FOXN2: variants seen among roughly 807,000 people sequenced by gnomAD.
The protein encoded by FOXN2 is forkhead box N2, also known as forkhead box protein N2.
A neutral mutation model predicts 41.2 loss-of-function variants in FOXN2; 19 were observed. That is an observed-to-expected ratio of 0.46 (90% CI 0.32 to 0.68). FOXN2 has a LOEUF of 0.68. FOXN2 is among the 30% of genes least tolerant of loss of function. The pLI is 0.03. For synonymous variants in FOXN2, 195 were observed against 176.8 expected, an observed-to-expected ratio of 1.10 and a Z score of -0.82; for missense variants, 587 against 509.4, an observed-to-expected ratio of 1.15 and a Z score of -1.47.
At chr2:48,371,743 G>A (rs7566239) in intron 5 of FOXN2, among the ~76,000 whole-genome samples, 51,269 of 151,916 alleles carry the variant, frequency 0.34, 8,809 homozygotes, top group East Asian at 0.46. Context: ...TGGGATGTCT[G>A]TTTGTATTGT....
intron 2 of FOXN2, among the ~76,000 whole-genome samples, chr2:48,345,415 C>T (rs912039721): frequency 3.9e-5 from 6 of 152,108 alleles, no homozygotes; most frequent in African/African-American, 1.2e-4. Flanking sequence ...GGAGTAAGTT[C>T]TAGTGACCTA....
intron 4 of FOXN2, among the ~76,000 whole-genome samples, chr2:48,360,154 C>T (rs1020183778): frequency 1.3e-5 from 2 of 151,964 alleles, no homozygotes; most frequent in Admixed American, 1.3e-4. Context: ...TAAGTTAAAT[C>T]GGAAAATAAT....
Position 48,363,130 on chromosome 2 carries a change from C to A in FOXN2, c.703+423C>A, listed in dbSNP as rs533082139. On this transcript the variant is annotated intron_variant, in intron 5 of 6. Coordinates refer to ENST00000340553, the MANE Select transcript of FOXN2 (RefSeq NM_002158.4). ...GCATTGTTACAGTAAGATGACAGCT[C>A]TCTGTGTTTATTGTCCCTAAAGACC... Among the ~76,000 whole-genome samples, 46 of 152,196 alleles carry A rather than the reference C, an allele frequency of 3.0e-4. 1 individual carries two copies. The highest frequency in any genetic ancestry group is 1.1e-3 in the African/African-American group (44 of 41,548).
In FOXN2 at chr2:48,373,337, C is replaced by A. The variant is rs1205694527; in HGVS notation, c.749C>A (p.Ser250Tyr). The change falls in exon 6 of 7, where the codon TCT becomes TAT. Residue 250 changes from serine (S) to tyrosine (Y), a missense_variant. By Grantham distance (144) the Ser-to-Tyr change is moderately radical. Coordinates refer to ENST00000340553, the MANE Select transcript of FOXN2 (RefSeq NM_002158.4). ...GCTGCAATGATGCTTTTAAATACTT[C>A]TATAGAACAAGGAATTTTAGAATGT... The part of the protein sequence containing the change: ...AAAAMMLLNT[S>Y]IEQGILECEK... 3.8e-6 allele frequency: 6 copies of A among 1,583,370 alleles called. No homozygotes were observed. The highest frequency in any genetic ancestry group is 8.6e-7 in the Non-Finnish European group (1 of 1,168,330).
At chr2:48,317,880 T>G (rs1669037111) in intron 1 of FOXN2, among the ~76,000 whole-genome samples, 1 of 151,986 alleles carries the variant, frequency 6.6e-6, no homozygotes, top group South Asian at 2.1e-4. Context: ...GTGCTGGGAT[T>G]ACAGGCGGGA....
chr2:48,349,358 A>G (rs746112489), intron 3 of FOXN2, among the ~76,000 whole-genome samples: 73 of 152,056 alleles, frequency 4.8e-4, no homozygotes, highest in Non-Finnish European at 4.7e-4. Flanking sequence ...GTGGTGGTAC[A>G]TGTAGTCCCA....
chr2:48,323,932 C>T (rs1322230407), intron 1 of FOXN2, among the ~76,000 whole-genome samples: 1 of 152,076 alleles, frequency 6.6e-6, no homozygotes, highest in Non-Finnish European at 1.5e-5. Context: ...TTTCATTCTT[C>T]TGCATATGGC....
At chr2:48,350,758 C>G (rs115694034) in intron 3 of FOXN2, among the ~76,000 whole-genome samples, 3,147 of 152,326 alleles carry the variant, frequency 0.021, 61 homozygotes, top group Non-Finnish European at 0.032. Context: ...GGAAAAAGAC[C>G]TAGCCTAGTG....
chr2:48,372,277 T>C (rs1194830366), intron 5 of FOXN2, among the ~76,000 whole-genome samples: 2 of 152,204 alleles, frequency 1.3e-5, no homozygotes, highest in African/African-American at 4.8e-5. Context: ...ACAACAGCAT[T>C]TCCTACCTTA....
intron 2 of FOXN2, among the ~76,000 whole-genome samples, chr2:48,332,774 C>G (rs1164224544): frequency 6.6e-6 from 1 of 152,128 alleles, no homozygotes; most frequent in Non-Finnish European, 1.5e-5. Context: ...CTCTGTACCT[C>G]TGTTCTAAGT....
At chr2:48,372,168 T>C (rs1465335060) in intron 5 of FOXN2, among the ~76,000 whole-genome samples, 1 of 152,176 alleles carries the variant, frequency 6.6e-6, no homozygotes, top group Non-Finnish European at 1.5e-5. Context: ...CTGTGGATCA[T>C]GAGGTCACAT....
chr2:48,340,439 C>T (rs1670673229), intron 2 of FOXN2, among the ~76,000 whole-genome samples: 1 of 152,066 alleles, frequency 6.6e-6, no homozygotes, highest in Non-Finnish European at 1.5e-5. Context: ...AGTAGGATAT[C>T]ACTATAACAT....
chr2:48,370,660 G>C (rs72820441), intron 5 of FOXN2, among the ~76,000 whole-genome samples: 28,158 of 151,986 alleles, frequency 0.19, 3,054 homozygotes, highest in East Asian at 0.45. Context: ...TGGTTTGTTT[G>C]TTTTCCTGTT....
chr2:48,365,916 A>G (rs1323470794), intron 5 of FOXN2, among the ~76,000 whole-genome samples: 1 of 152,184 alleles, frequency 6.6e-6, no homozygotes, highest in African/African-American at 2.4e-5. Flanking sequence ...GCCTCTTTAT[A>G]TTATTTCTAG....
chr2:48,354,245 A>C (rs1444814426), intron 3 of FOXN2, among the ~76,000 whole-genome samples: 1 of 152,224 alleles, frequency 6.6e-6, no homozygotes, highest in Admixed American at 6.5e-5. Flanking sequence ...CTTGAAAATG[A>C]TTGGCTAAGA....
At chr2:48,322,502 TGCTCAC>T (rs1427886688) in intron 1 of FOXN2, among the ~76,000 whole-genome samples, 7 of 152,196 alleles carry the variant, frequency 4.6e-5, no homozygotes, top group Non-Finnish European at 1.0e-4. Flanking sequence ...TTCTTGCTCA[TGCTCAC>T]GCTCACGCGG....
At chr2:48,365,360 C>G (rs972250422) in intron 5 of FOXN2, among the ~76,000 whole-genome samples, 1 of 152,338 alleles carries the variant, frequency 6.6e-6, no homozygotes, top group South Asian at 2.1e-4. Flanking sequence ...TGTGGTTTCT[C>G]TTTACATTTA....
chr2:48,314,783 G>C lies in FOXN2; in HGVS notation c.-188G>C, dbSNP rs1225054790. 1 of 152,214 alleles carries C rather than the reference G, an allele frequency of 6.6e-6. No individual in the cohort carries two copies. Among genetic ancestry groups the C allele is most frequent in the African/African-American group, 2.4e-5 (1 of 41,444 alleles). The allele number at this position is 152,214 out of a possible 1,614,324, so 9.4% of individuals were successfully genotyped here. A position where few individuals can be genotyped will look rare whatever the true frequency, so the allele number is the denominator to read the frequency against. ...TGCTCTGCCATATTGTGTCTTCCCC[G>C]GCCGGTCCCTCGCCTCCCGGCCGAG... On this transcript the variant is annotated 5_prime_UTR_variant, in exon 1 of 7. Coordinates refer to ENST00000340553, the MANE Select transcript of FOXN2 (RefSeq NM_002158.4).
At chr2:48,351,774 G>C (rs910448578) in intron 3 of FOXN2, among the ~76,000 whole-genome samples, 4 of 152,118 alleles carry the variant, frequency 2.6e-5, no homozygotes, top group Non-Finnish European at 5.9e-5. Flanking sequence ...TTTCCTAAGA[G>C]GCCATGGACC....
Sources: gnomAD v4.1 joint callset for allele counts (sites outside exome capture counted in the v4.1 genomes callset) on GRCh38, gnomAD v4.1.1 for gene constraint, MANE v1.5 for transcripts, NCBI Gene and HGNC (gene_info 2026-07-23, HGNC 2026-07-21) for gene names.